The following PER2 variants were observed in gnomAD, a reference collection of about 807,000 sequenced individuals.
The protein encoded by PER2 is period circadian regulator 2.
In PER2, 66 loss-of-function variants were observed where a neutral mutation model predicts 121.0. The ratio of observed to expected loss-of-function variants is 0.55; its 90% CI spans 0.45 to 0.67. The LOEUF is 0.67. Ranked by LOEUF, PER2 falls within the 30% of genes least tolerant of loss-of-function variation. The pLI is 0.00. For synonymous variants in PER2, 684 were observed against 659.9 expected (o/e 1.04, Z -0.56); for missense variants, 1,521 against 1,635.0 (o/e 0.93, Z 1.20).
intron 1 of PER2, among the ~76,000 whole-genome samples, chr2:238,287,582 A>G (rs954482734): frequency 2.6e-5 from 4 of 152,198 alleles, no homozygotes; most frequent in African/African-American, 9.7e-5. Flanking sequence ...TCAGCACGCA[A>G]GTGGAGGCCA....
upstream of PER2, chr2:238,289,227 C>T (rs1696894443): frequency 1.3e-5 from 2 of 152,204 alleles, no homozygotes; most frequent in African/African-American, 4.8e-5. Context: ...GAGGCGCGCC[C>T]CCAGCGGCCA....
At position 238,267,963 on chromosome 2, in the gene PER2, G is replaced by A. The variant is rs1037538448; in HGVS notation, c.967+93C>T. On this transcript the variant is annotated intron_variant, in intron 8 of 22. Coordinates refer to ENST00000254657, the MANE Select transcript of PER2 (RefSeq NM_022817.3). ...GCCAAGGCTGGGGAACTGCAGCGGG[G>A]AGTCCATCGTACAGATGTTATGTGT... 14 of 1,407,722 alleles carry A rather than the reference G, an allele frequency of 9.9e-6. No individual in the cohort carries two copies. In the South Asian group the frequency reaches 1.2e-4, roughly 12 times the overall value. The allele number at this position is 1,407,722 out of a possible 1,614,324, so 87.2% of individuals were successfully genotyped here. A position where few individuals can be genotyped will look rare whatever the true frequency, so the allele number is the denominator to read the frequency against.
chr2:238,261,963 C>G, intron 11 of PER2, 126 bp from the exon 12 acceptor site: 1 of 754,378 alleles, frequency 1.3e-6, no homozygotes, highest in Non-Finnish European at 2.2e-6. Context: ...GCCCCCCAGG[C>G]TGCTGCCTGT....
chr2:238,265,717 T>C (rs1266677383), intron 8 of PER2, 127 bp from the exon 9 acceptor site: 2 of 686,902 alleles, frequency 2.9e-6, no homozygotes, highest in South Asian at 1.6e-5. Context: ...AATTAAAACA[T>C]GGACTCTGAA....
At chr2:238,248,948 C>A (rs779233082) in intron 22 of PER2, 114 bp downstream of exon 22, 7 of 1,201,302 alleles carry the variant, frequency 5.8e-6, no homozygotes, top group Non-Finnish European at 1.2e-6. Flanking sequence ...AGCCACCGCG[C>A]CCGGCCTAAT....
chr2:238,273,815 G>A (rs957181940), intron 4 of PER2, among the ~76,000 whole-genome samples: 9 of 152,072 alleles, frequency 5.9e-5, no homozygotes, highest in African/African-American at 1.4e-4. Context: ...CTACAGGCAC[G>A]TGCCACCACG....
chr2:238,259,292 G>A (rs1327800344), intron 14 of PER2, among the ~76,000 whole-genome samples: 1 of 152,254 alleles, frequency 6.6e-6, no homozygotes. Context: ...ATGAGCAAGG[G>A]CCCACCAGGG....
chr2:238,266,134 ACCT>A (rs1696098511), intron 8 of PER2, among the ~76,000 whole-genome samples: 2 of 151,798 alleles, frequency 1.3e-5, no homozygotes, highest in Non-Finnish European at 2.9e-5. Context: ...CGATCTCCTG[ACCT>A]CGTGATCCGC....
the PER2 span, among the ~76,000 whole-genome samples, chr2:238,297,378 C>G: frequency 1.9e-4 from 29 of 152,128 alleles, no homozygotes; most frequent in African/African-American, 6.0e-4. Flanking sequence ...AGCTTTGAGA[C>G]CAGAGCCTTG....
chr2:238,285,804 A>G (rs920901673), intron 1 of PER2, among the ~76,000 whole-genome samples: 4 of 121,860 alleles, frequency 3.3e-5, no homozygotes, highest in East Asian at 4.8e-4. Flanking sequence ...CGAACTTTAC[A>G]TAATAGGGCT....
intron 1 of PER2, among the ~76,000 whole-genome samples, chr2:238,287,228 C>T (rs571642185): frequency 2.6e-5 from 4 of 152,240 alleles, no homozygotes; most frequent in Non-Finnish European, 2.9e-5. Flanking sequence ...CAAACACCCA[C>T]GGTGCCATCC....
intron 4 of PER2, among the ~76,000 whole-genome samples, chr2:238,275,485 T>C (rs1026424723): frequency 3.3e-5 from 5 of 152,148 alleles, no homozygotes; most frequent in Admixed American, 3.3e-4. Flanking sequence ...GTCCAGGAGT[T>C]CGAGACCAGC....
At chr2:238,261,156 G>C (rs1444893732) in intron 12 of PER2, among the ~76,000 whole-genome samples, 1 of 152,238 alleles carries the variant, frequency 6.6e-6, no homozygotes, top group Non-Finnish European at 1.5e-5. Flanking sequence ...CCCCGACCCA[G>C]ACATGCAGTC....
upstream of PER2, among the ~76,000 whole-genome samples, chr2:238,293,604 A>G (rs1335152776): frequency 5.9e-5 from 9 of 151,942 alleles, no homozygotes; most frequent in Non-Finnish European, 1.0e-4. Flanking sequence ...GCGTGGTGGC[A>G]CATGTCTATA....
rs144578923 is a variant in PER2, at chr2:238,262,295, G to T, written c.1203C>A (p.Arg401=). Reference sequence around the variant, plus strand: ...ACGTGATGTACTCTCCGTTCCGGGCGCGAAACCGAATGGGAGAATAGTCGA... The same window carrying T: ...ACGTGATGTACTCTCCGTTCCGGGCTCGAAACCGAATGGGAGAATAGTCGA... ...QPFDYSPIRF[R]ARNGEYITLD... The change falls in exon 11 of 23, where the codon CGC becomes CGA. Residue 401 remains arginine (R), a synonymous_variant. Coordinates refer to ENST00000254657, the MANE Select transcript of PER2 (RefSeq NM_022817.3). 31 of 1,613,914 alleles carry T rather than the reference G, an allele frequency of 1.9e-5. No individual in the cohort carries two copies. In the African/African-American group the frequency reaches 3.9e-4, roughly 20 times the overall value.
intron 6 of PER2, among the ~76,000 whole-genome samples, chr2:238,270,418 T>C (rs1362459744): frequency 6.7e-6 from 1 of 149,212 alleles, no homozygotes; most frequent in Non-Finnish European, 1.5e-5. Context: ...CGTGGGAATC[T>C]AAACTAAAAA....
chr2:238,258,860 C>T (rs1695842461), intron 14 of PER2, among the ~76,000 whole-genome samples: 1 of 151,998 alleles, frequency 6.6e-6, no homozygotes, highest in Admixed American at 6.5e-5. Context: ...GAGCTGCTGC[C>T]CAGCCTGGTG....
At chr2:238,249,758 T>A (rs888693412) in intron 21 of PER2, among the ~76,000 whole-genome samples, 2 of 152,338 alleles carry the variant, frequency 1.3e-5, no homozygotes, top group Non-Finnish European at 2.9e-5. Context: ...CTGGTGATAG[T>A]GAGTTGTAAC....
chr2:238,246,268 A>T lies in PER2; in HGVS notation c.*107T>A, dbSNP rs1047913605. ...TTTTTTCTAAAACAAAAAAAGCAAC[A>T]TGAGCATATGTGTCCATTTCAGTGG... On this transcript the variant is annotated 3_prime_UTR_variant, in exon 23 of 23. Transcript: ENST00000254657. The T allele has an allele frequency of 1.3e-6, 1 of 744,252 alleles. No homozygotes were observed. The highest frequency in any genetic ancestry group is 2.9e-5 in the South Asian group (1 of 34,174). The allele number at this position is 744,252 out of a possible 1,614,324, so 46.1% of individuals were successfully genotyped here.
Sources: gnomAD v4.1 joint callset for allele counts (sites outside exome capture counted in the v4.1 genomes callset) on GRCh38, gnomAD v4.1.1 for gene constraint, MANE v1.5 for transcripts, NCBI Gene and HGNC (gene_info 2026-07-23, HGNC 2026-07-21) for gene names.